The following SNRPN variants were observed in gnomAD, a reference collection of about 807,000 sequenced individuals.
SNRPN encodes the protein small nuclear ribonucleoprotein-associated protein N.
In SNRPN, 7 loss-of-function variants were observed where a neutral mutation model predicts 25.2. That is an observed-to-expected ratio of 0.28 (90% CI 0.16 to 0.52). SNRPN has a LOEUF of 0.52. Among genes scored for constraint, SNRPN ranks in the 20% least tolerant of loss-of-function variants. The probability of loss-of-function intolerance (pLI) is 0.96; values close to 1 mark genes in which losing one functional copy is unlikely to be tolerated. For missense variants in SNRPN, 196 were observed against 322.5 expected (o/e 0.61, Z 3.00); for synonymous variants, 124 against 110.6 (o/e 1.12, Z -0.76).
At chr15:24,971,365 C>T (rs971497792) in intron 3 of SNRPN, among the ~76,000 whole-genome samples, 2 of 152,066 alleles carry the variant, frequency 1.3e-5, no homozygotes, top group Admixed American at 6.6e-5. Context: ...TTATTTTCTT[C>T]TTTCACTTAC....
chr15:24,949,266 C>G (rs1308029010), intron 3 of SNRPN, among the ~76,000 whole-genome samples: 1 of 152,012 alleles, frequency 6.6e-6, no homozygotes, highest in Non-Finnish European at 1.5e-5. Flanking sequence ...AGGTGATCCA[C>G]CTGCCTCGGC....
intron 1 of SNRPN, among the ~76,000 whole-genome samples, chr15:24,961,053 T>G (rs997012986): frequency 9.9e-5 from 15 of 152,214 alleles, no homozygotes; most frequent in African/African-American, 3.6e-4. Context: ...CCTTTCACTT[T>G]CTTTAGTGTT....
chr15:24,869,994 C>T (rs938263767), intron 1 of SNRPN, among the ~76,000 whole-genome samples: 10 of 152,246 alleles, frequency 6.6e-5, no homozygotes, highest in African/African-American at 1.7e-4. Flanking sequence ...CTCCCTTATA[C>T]TCCTTTATTT....
In SNRPN at chr15:24,978,528, CCT is replaced by C; in HGVS notation, c.*86_*87del. ...TAGAGTGTTTGTGAGCTTTTTGTTC[CCT>C]CATTCTGCATTAATAATAGCTAATA... On this transcript the variant is annotated 3_prime_UTR_variant, in exon 10 of 10. Transcript: ENST00000390687. The C allele has an allele frequency of 1.7e-6, 2 of 1,187,138 alleles. No individual in the cohort carries two copies. Among genetic ancestry groups the C allele is most frequent in the Non-Finnish European group, 2.5e-6 (2 of 795,324 alleles). 73.5% of individuals were successfully genotyped at this position (1,187,138 alleles called of 1,614,324 possible).
At chr15:24,834,751 C>CTCTCTCTA in intron 2 of SNRPN, among the ~76,000 whole-genome samples, 1,082 of 60,928 alleles carry the variant, frequency 0.018, 26 homozygotes, top group Non-Finnish European at 0.027. Context: ...CTCTCTCTCT[C>CTCTCTCTA]TATATATATA....
chr15:24,836,490 C>T (rs552972733), intron 2 of SNRPN, among the ~76,000 whole-genome samples: 1 of 146,678 alleles, frequency 6.8e-6, no homozygotes, highest in Admixed American at 6.6e-5. Flanking sequence ...CTGCTAACCA[C>T]AAACTCTGCG....
intron 3 of SNRPN, among the ~76,000 whole-genome samples, chr15:24,924,211 C>T (rs7175353): frequency 1.3e-5 from 2 of 151,772 alleles, no homozygotes; most frequent in South Asian, 4.2e-4. Flanking sequence ...GAAAGAAAAG[C>T]GAATATCCCA....
chr15:24,967,894 T>C (rs1258146794), intron 2 of SNRPN, 38 bp from the exon 3 acceptor site: 2 of 1,541,076 alleles, frequency 1.3e-6, no homozygotes, highest in African/African-American at 1.4e-5. Flanking sequence ...AAGACAAATG[T>C]ATTTTTATCA....
At chr15:24,928,255 A>T (rs749446556) in intron 3 of SNRPN, among the ~76,000 whole-genome samples, 5 of 152,170 alleles carry the variant, frequency 3.3e-5, no homozygotes, top group Non-Finnish European at 7.3e-5. Flanking sequence ...AAATCAGTGT[A>T]TTGAAGAGAG....
chr15:24,842,879 A>G (rs1034780946), intron 2 of SNRPN, among the ~76,000 whole-genome samples: 1 of 152,152 alleles, frequency 6.6e-6, no homozygotes, highest in African/African-American at 2.4e-5. Flanking sequence ...TCTTCCCACC[A>G]TATTTAGTTT....
chr15:24,967,068 A>G (rs1477024765), intron 2 of SNRPN: 1 of 152,152 alleles, frequency 6.6e-6, no homozygotes, highest in Non-Finnish European at 1.5e-5. Flanking sequence ...AGGACGGCCT[A>G]AACATCTCCC....
chr15:24,955,787 G>T lies in SNRPN; in HGVS notation c.-391+725G>T, dbSNP rs1225001681. On this transcript the variant is annotated intron_variant, in intron 1 of 9. Coordinates refer to ENST00000390687, the MANE Select transcript of SNRPN (RefSeq NM_003097.6). Reference sequence around the variant, plus strand: ...GTATTGGCGGCGGTGGGCATTGGCAGCGGGTAGGCATGGCGGTGGTGGACT... The same window carrying T: ...GTATTGGCGGCGGTGGGCATTGGCATCGGGTAGGCATGGCGGTGGTGGACT... Among the ~76,000 whole-genome samples, 5 of 151,770 alleles carry T rather than the reference G, an allele frequency of 3.3e-5. No homozygotes were observed. The South Asian group carries it at 1.0e-3, about 32-fold the overall frequency.
intron 1 of SNRPN, among the ~76,000 whole-genome samples, chr15:24,875,579 T>A (rs1370338751): frequency 6.6e-6 from 1 of 152,258 alleles, no homozygotes; most frequent in South Asian, 2.1e-4. Flanking sequence ...CCTAGAACAT[T>A]GATAGAAAAA....
At chr15:24,827,524 A>G (rs1482852179) in intron 1 of SNRPN, among the ~76,000 whole-genome samples, 1 of 150,668 alleles carries the variant, frequency 6.6e-6, no homozygotes, top group African/African-American at 2.5e-5. Flanking sequence ...TCAAAAAAAA[A>G]AAAAAAAAAA....
chr15:24,967,141 G>A (rs565907521), intron 2 of SNRPN: 31 of 152,280 alleles, frequency 2.0e-4, no homozygotes, highest in African/African-American at 7.5e-4. Context: ...GTTCACACAG[G>A]ATAATTTGAA....
intron 3 of SNRPN, among the ~76,000 whole-genome samples, chr15:24,969,783 G>C (rs914061042): frequency 6.6e-6 from 1 of 152,100 alleles, no homozygotes; most frequent in Admixed American, 6.6e-5. Context: ...CCCATTACTA[G>C]TATTCCTGTA....
intron 2 of SNRPN, among the ~76,000 whole-genome samples, chr15:24,841,171 C>T (rs1052934175): frequency 9.2e-5 from 14 of 152,002 alleles, no homozygotes; most frequent in Admixed American, 4.6e-4. Flanking sequence ...ACAAGTAAAT[C>T]CAGAATTAAT....
At chr15:24,925,977 G>A (rs1260213330) in intron 3 of SNRPN, among the ~76,000 whole-genome samples, 5 of 151,988 alleles carry the variant, frequency 3.3e-5, no homozygotes, top group African/African-American at 9.7e-5. Flanking sequence ...CTTGTGATCC[G>A]CCCGCCTCGG....
intron 1 of SNRPN, among the ~76,000 whole-genome samples, chr15:24,878,714 T>A (rs1480115297): frequency 6.6e-6 from 1 of 152,204 alleles, no homozygotes; most frequent in African/African-American, 2.4e-5. Flanking sequence ...GACCAGTAAT[T>A]GTATATCCTT....
Sources: gnomAD v4.1 joint callset for allele counts (sites outside exome capture counted in the v4.1 genomes callset) on GRCh38, gnomAD v4.1.1 for gene constraint, MANE v1.5 for transcripts, NCBI Gene and HGNC (gene_info 2026-07-23, HGNC 2026-07-21) for gene names.